The following NBPF4 variants were observed in gnomAD, a reference collection of about 807,000 sequenced individuals.
The protein encoded by NBPF4 is NBPF family member NBPF4.
A neutral mutation model predicts 21.1 loss-of-function variants in NBPF4; 11 were observed. That is an observed-to-expected ratio of 0.52 (90% CI 0.33 to 0.86). The LOEUF (loss-of-function observed/expected upper bound fraction) is 0.86, where lower values mean the gene tolerates loss of function less well. Among genes scored for constraint, NBPF4 ranks in the 40% least tolerant of loss-of-function variants. The probability of loss-of-function intolerance (pLI) is 0.03; values close to 1 mark genes in which losing one functional copy is unlikely to be tolerated. For synonymous variants in NBPF4, 47 were observed against 106.4 expected, an observed-to-expected ratio of 0.44 and a Z score of 3.43; for missense variants, 88 against 265.3, an observed-to-expected ratio of 0.33 and a Z score of 4.64.
At chr1:108,256,612 CCCTTCCTT>C in the NBPF4 span, among the ~76,000 whole-genome samples, 1 of 91,414 alleles carries the variant, frequency 1.1e-5, no homozygotes, top group South Asian at 4.4e-4. Flanking sequence ...CTCCCTCCCT[CCCTTCCTT>C]CCTTCCTTTC....
rs1649378014 is a variant in NBPF4, at chr1:108,223,544, C to G, written c.*161G>C. The G allele has an allele frequency of 2.8e-6, 2 of 724,442 alleles. No homozygotes were observed. Among genetic ancestry groups the G allele is most frequent in the Non-Finnish European group, 4.7e-6 (2 of 424,302 alleles). 44.9% of individuals were successfully genotyped at this position (724,442 alleles called of 1,614,324 possible). A position where few individuals can be genotyped will look rare whatever the true frequency, so the allele number is the denominator to read the frequency against. On this transcript the variant is annotated 3_prime_UTR_variant, in exon 15 of 15. Transcript: ENST00000415641. ...TGGAGGGGGATGGAATGTGGCTTCT[C>G]AAATCAAAGGAGCATAGTGGCTTGA... is the stretch of plus-strand genomic sequence containing the variant.
rs575009320 is a variant in NBPF4 at position 108,223,742 on chromosome 1, G to C, written c.1880C>G (p.Pro627Arg). The change falls in exon 15 of 15, where the codon CCA becomes CGA. Residue 627 changes from proline (P) to arginine (R), a missense_variant. This residue lies in a region of NBPF4 where 17 missense variants were observed against 20.7 expected (regional missense o/e 0.82). Coordinates refer to ENST00000415641, the MANE Select transcript of NBPF4 (RefSeq NM_001143989.3). ...AGPHAESAEI[P>R]NTAGRTQRMA... Reference sequence around the variant, plus strand: ...CCTTTGCGTCCTTCCAGCAGTATTTGGTATCTGTAGGGGAGAGAGAGAAAA... The same window carrying C: ...CCTTTGCGTCCTTCCAGCAGTATTTCGTATCTGTAGGGGAGAGAGAGAAAA... 1 of 1,553,852 alleles carries C rather than the reference G, an allele frequency of 6.4e-7. No individual in the cohort carries two copies. Among genetic ancestry groups the C allele is most frequent in the African/African-American group, 1.4e-5 (1 of 72,694 alleles).
the NBPF4 span, among the ~76,000 whole-genome samples, chr1:108,254,328 C>T: frequency 8.3e-4 from 7 of 8,434 alleles, no homozygotes; most frequent in Middle Eastern, 0.028. Flanking sequence ...CCACCCGCCT[C>T]GGCCTTCCAA....
upstream of NBPF4, among the ~76,000 whole-genome samples, chr1:108,244,901 GATATATATATATATATAT>G (rs1173565670): frequency 0.023 from 292 of 12,458 alleles, 46 homozygotes; most frequent in East Asian, 0.17. Context: ...TATTGTTGGA[GATATATATATATATATAT>G]ATATATATAT....
Position 108,222,773 on chromosome 1 carries a change from TGAA to T in NBPF4, c.*929_*931del, listed in dbSNP as rs747092114. On this transcript the variant is annotated 3_prime_UTR_variant, in exon 15 of 15. Coordinates refer to ENST00000415641, the MANE Select transcript of NBPF4 (RefSeq NM_001143989.3). ...GTGATTAATTGGTGATAAAATGTTC[TGAA>T]GAAGATCACTAGAATACAGGATATT... 6.6e-4 allele frequency among the ~76,000 whole-genome samples: 101 copies of T among 152,322 alleles called. No homozygotes were observed. The highest frequency in any genetic ancestry group is 1.1e-3 in the Admixed American group (17 of 15,304).
intron 14 of NBPF4, among the ~76,000 whole-genome samples, chr1:108,224,738 GA>G (rs1018827317): frequency 1.5e-5 from 2 of 136,094 alleles, no homozygotes; most frequent in African/African-American, 5.5e-5. Context: ...AGTACAAAGT[GA>G]AAAGGATTAG....
the NBPF4 span, among the ~76,000 whole-genome samples, chr1:108,266,084 T>A: frequency 5.0e-5 from 6 of 119,494 alleles, no homozygotes; most frequent in African/African-American, 3.4e-5. Context: ...AAGCTCAAAG[T>A]GAAACTGAAG....
chr1:108,254,020 A>ATGT, the NBPF4 span, among the ~76,000 whole-genome samples: 1 of 70,444 alleles, frequency 1.4e-5, no homozygotes, highest in Non-Finnish European at 2.7e-5. Flanking sequence ...CTGCCTTTTC[A>ATGT]TGTTGTTGAT....
At chr1:108,241,521 G>A (rs1306786126) in intron 3 of NBPF4, among the ~76,000 whole-genome samples, 1 of 145,322 alleles carries the variant, frequency 6.9e-6, no homozygotes. Context: ...AGTTCCACAA[G>A]GATGTCCTTT....
chr1:108,228,266 AAAAG>A (rs1649533503), intron 13 of NBPF4, among the ~76,000 whole-genome samples: 1 of 126,836 alleles, frequency 7.9e-6, no homozygotes, highest in Non-Finnish European at 1.7e-5. Flanking sequence ...TATTTCAAAA[AAAAG>A]CAGAAAAAAC....
At chr1:108,233,822 A>G (rs1649644108) in intron 10 of NBPF4, among the ~76,000 whole-genome samples, 1 of 140,544 alleles carries the variant, frequency 7.1e-6, no homozygotes, top group African/African-American at 2.5e-5. Flanking sequence ...CTTTAATGAA[A>G]AGTAGACAAA....
intron 14 of NBPF4, among the ~76,000 whole-genome samples, chr1:108,226,417 G>T (rs1649474576): frequency 6.6e-6 from 1 of 150,680 alleles, no homozygotes; most frequent in African/African-American, 2.5e-5. Context: ...GGACAAGGAG[G>T]CCTGGCTCTC....
chr1:108,229,049 G>T lies in NBPF4; in HGVS notation c.1531C>A (p.Pro511Thr), dbSNP rs777478410. The change falls in exon 13 of 15, where the codon CCC becomes ACC. Residue 511 changes from proline (P) to threonine (T), a missense_variant. By Grantham distance (38) the Pro-to-Thr change is conservative (BLOSUM62 -1). Around this residue, in one of 4 missense-constraint regions of NBPF4, gnomAD observed 60 missense variants for 86.5 expected, o/e 0.69. Coordinates refer to ENST00000415641, the MANE Select transcript of NBPF4 (RefSeq NM_001143989.3). ...QAQLEPSTLV[P>T]SCLRLQLDQG... is the part of the protein sequence containing the mutation. ...TCCAGCTGTAGTCGCAGACAACTGGGCACCAGGGTGCTTGGTTCCAGCTGT... is the reference window on the plus strand; with the variant it reads ...TCCAGCTGTAGTCGCAGACAACTGGTCACCAGGGTGCTTGGTTCCAGCTGT... 3.2e-6 allele frequency: 5 copies of T among 1,550,828 alleles called. No individual in the cohort carries two copies. The highest frequency in any genetic ancestry group is 3.5e-6 in the Non-Finnish European group (4 of 1,146,428).
upstream of NBPF4, among the ~76,000 whole-genome samples, chr1:108,244,907 T>G (rs1196227707): frequency 5.0e-4 from 14 of 27,976 alleles, no homozygotes; most frequent in African/African-American, 1.4e-3. Context: ...TGGAGATATA[T>G]ATATATATAT....
chr1:108,226,460 GA>G (rs2043730523), intron 14 of NBPF4, among the ~76,000 whole-genome samples: 1 of 150,898 alleles, frequency 6.6e-6, no homozygotes, highest in Non-Finnish European at 1.5e-5. Flanking sequence ...CAAGACAGCA[GA>G]AAAAGGAATA....
At chr1:108,254,096 C>A in the NBPF4 span, among the ~76,000 whole-genome samples, 5 of 101,864 alleles carry the variant, frequency 4.9e-5, no homozygotes, top group Non-Finnish European at 9.9e-5. Flanking sequence ...TTTTTTTTGG[C>A]GGAGTTTTGC....
chr1:108,229,030 T>G lies in NBPF4; in HGVS notation c.1550A>C (p.Gln517Pro). 9 of 1,550,088 alleles carry G rather than the reference T, an allele frequency of 5.8e-6. 1 individual carries two copies. In the Middle Eastern group the frequency reaches 5.0e-4, roughly 87 times the overall value. ...STLVPSCLRL[Q>P]LDQGFHCGNG... ...CCCACAGTGGAACCCTTGATCCAGC[T>G]GTAGTCGCAGACAACTGGGCACCAG... The change falls in exon 13 of 15, where the codon CAG (glutamine) becomes CCG (proline). Residue 517 changes from glutamine (Q) to proline (P), a missense_variant. Gln to Pro is a moderately conservative substitution (Grantham distance 76). This residue lies in a region of NBPF4 where 60 missense variants were observed against 86.5 expected (regional missense o/e 0.69). Transcript: ENST00000415641.
At chr1:108,266,168 G>T in the NBPF4 span, among the ~76,000 whole-genome samples, 9 of 142,274 alleles carry the variant, frequency 6.3e-5, no homozygotes, top group Non-Finnish European at 9.0e-5. Flanking sequence ...AAAAAAAAAG[G>T]CAATAAAATA....
rs1379029465 is a variant in NBPF4 at position 108,226,698 on chromosome 1, G to A, written c.1856C>T (p.Pro619Leu). 55 of 1,368,644 alleles carry A rather than the reference G, an allele frequency of 4.0e-5. 2 individuals are homozygous for A. Among genetic ancestry groups the A allele is most frequent in the Non-Finnish European group, 4.7e-5 (48 of 1,015,436 alleles). 84.8% of individuals were successfully genotyped at this position (1,368,644 alleles called of 1,614,324 possible). ...GATTACCTCTGCGCTCTCAGCATGC[G>A]GGCCAGCGAATCTGAATGCCAGTCT... is the stretch of plus-strand genomic sequence containing the variant. Reference protein sequence around the residue: ...KWRLAFRFAGPHAESAEIPNT... With the variant: ...KWRLAFRFAGLHAESAEIPNT... The change falls in exon 14 of 15, where the codon CCG (proline) becomes CTG (leucine). Residue 619 changes from proline (P) to leucine (L), a missense_variant. Coordinates refer to ENST00000415641, the MANE Select transcript of NBPF4 (RefSeq NM_001143989.3).
Sources: allele counts gnomAD v4.1 joint callset (sites outside exome capture counted in the v4.1 genomes callset), GRCh38; gene constraint gnomAD v4.1.1; regional missense constraint gnomAD v4.1.1; transcripts MANE v1.5; gene names NCBI Gene and HGNC (gene_info 2026-07-23, HGNC 2026-07-21).